Variants in HS6ST2 observed in about 807,000 individuals in gnomAD.
HS6ST2 encodes heparan-sulfate 6-O-sulfotransferase 2.
HS6ST2 carries 17 observed loss-of-function variants against 33.0 expected under a neutral mutation model. The ratio of observed to expected loss-of-function variants is 0.52; its 90% CI spans 0.35 to 0.77. The LOEUF is 0.77. Ranked by LOEUF, HS6ST2 falls within the 30% of genes least tolerant of loss-of-function variation. The pLI is 0.01. For synonymous variants in HS6ST2, 248 were observed against 237.1 expected, an observed-to-expected ratio of 1.05 and a Z score of -0.42; for missense variants, 519 against 551.7, an observed-to-expected ratio of 0.94 and a Z score of 0.59.
rs186921341 is a variant in HS6ST2, at chrX:132,851,419, C to T, written c.947+105389G>A. Among the ~76,000 whole-genome samples, 63 of 112,406 alleles carry T rather than the reference C, an allele frequency of 5.6e-4. 1 individual carries two copies. The East Asian group carries it at 0.012, about 21-fold the overall frequency. ...TGGCATCAGAAAGGCCTGGGTTCAA[C>T]CCCTGACTTGCCACTGTATGAGTCT... On this transcript the variant is annotated intron_variant, in intron 2 of 4. Transcript: ENST00000370833.
chrX:132,832,573 A>T (rs1400645450), intron 2 of HS6ST2, among the ~76,000 whole-genome samples: 1 of 112,184 alleles, frequency 8.9e-6, no homozygotes, highest in Non-Finnish European at 1.9e-5. Context: ...GAGCTAAAAA[A>T]GTTGGCATTA....
At chrX:132,812,405 A>AAT (rs2065355347) in intron 2 of HS6ST2, among the ~76,000 whole-genome samples, 1 of 84,944 alleles carries the variant, frequency 1.2e-5, no homozygotes, top group African/African-American at 4.5e-5. Context: ...ACTCTGTCTC[A>AAT]AATAATAATA....
At chrX:132,871,282 C>T (rs2066054556) in intron 2 of HS6ST2, among the ~76,000 whole-genome samples, 1 of 111,956 alleles carries the variant, frequency 8.9e-6, no homozygotes, top group Admixed American at 9.4e-5. Context: ...ACAACAGATG[C>T]TGGAGAGGAT....
At chrX:132,716,449 G>A (rs765456805) in intron 2 of HS6ST2, among the ~76,000 whole-genome samples, 12 of 112,101 alleles carry the variant, frequency 1.1e-4, no homozygotes, top group Non-Finnish European at 1.7e-4. Flanking sequence ...AACCTGGCTT[G>A]TTTTCCCTTC....
intron 4 of HS6ST2, among the ~76,000 whole-genome samples, chrX:132,650,513 A>G (rs1418411464): frequency 9.0e-6 from 1 of 111,095 alleles, no homozygotes; most frequent in African/African-American, 3.3e-5. Flanking sequence ...TGCCTTTAAT[A>G]TCTTTGCTTT....
chrX:132,831,936 G>C (rs2065594202), intron 2 of HS6ST2, among the ~76,000 whole-genome samples: 2 of 111,948 alleles, frequency 1.8e-5, no homozygotes, highest in Admixed American at 9.5e-5. Flanking sequence ...TTTAGGGCTT[G>C]AGTTATTTAA....
At chrX:132,694,634 G>A (rs1302163290) in intron 3 of HS6ST2, among the ~76,000 whole-genome samples, 1 of 111,259 alleles carries the variant, frequency 9.0e-6, no homozygotes. Context: ...TTATCACTGT[G>A]GTTAGACAAG....
chrX:132,912,181 C>T (rs112950725), intron 2 of HS6ST2, among the ~76,000 whole-genome samples: 8 of 112,826 alleles, frequency 7.1e-5, no homozygotes, highest in African/African-American at 2.2e-4. Context: ...ATTAGGTAGC[C>T]TACCCTTTAG....
Position 132,788,223 on chromosome X carries a change from T to C in HS6ST2, c.948-79729A>G, listed in dbSNP as rs138853376. On this transcript the variant is annotated intron_variant, in intron 2 of 4. Coordinates refer to ENST00000370833, the MANE Select transcript of HS6ST2 (RefSeq NM_001394073.1). ...TATTGGCTCCATTTTTCCAACAGCA[T>C]GTGCTCACTTCATGTCTCTGTGTTA... Among the ~76,000 whole-genome samples, 248 of 112,091 alleles carry C rather than the reference T, an allele frequency of 2.2e-3. 1 individual carries two copies. Among genetic ancestry groups the C allele is most frequent in the African/African-American group, 7.2e-3 (223 of 30,851 alleles).
chrX:132,648,538 C>CA (rs386417567), intron 4 of HS6ST2, among the ~76,000 whole-genome samples: 15,813 of 57,409 alleles, frequency 0.28, 2,271 homozygotes, highest in African/African-American at 0.49. Flanking sequence ...TGGAAAGAGA[C>CA]AAAAAAAAAA....
chrX:132,825,781 A>G (rs1004820094), intron 2 of HS6ST2, among the ~76,000 whole-genome samples: 1 of 111,566 alleles, frequency 9.0e-6, no homozygotes, highest in African/African-American at 3.3e-5. Context: ...TATATAGTCC[A>G]ACTCTCTTTA....
chrX:132,934,324 A>T (rs1156940395), intron 2 of HS6ST2, among the ~76,000 whole-genome samples: 1 of 111,900 alleles, frequency 8.9e-6, no homozygotes, highest in Admixed American at 9.5e-5. Flanking sequence ...ATGGTACATA[A>T]GGTGGTTTAT....
At chrX:132,800,322 T>A (rs992428636) in intron 2 of HS6ST2, among the ~76,000 whole-genome samples, 2 of 111,464 alleles carry the variant, frequency 1.8e-5, no homozygotes, top group Non-Finnish European at 3.8e-5. Flanking sequence ...TGTCACTGTC[T>A]CCCATCACCT....
intron 2 of HS6ST2, among the ~76,000 whole-genome samples, chrX:132,904,591 C>T (rs1028596574): frequency 9.5e-6 from 1 of 105,589 alleles, no homozygotes; most frequent in African/African-American, 3.5e-5. Context: ...TCGCTCAGGC[C>T]GTAATGCAGT....
chrX:132,659,237 A>C (rs774725364), intron 4 of HS6ST2, among the ~76,000 whole-genome samples: 29 of 112,342 alleles, frequency 2.6e-4, no homozygotes, highest in Non-Finnish European at 4.7e-4. Flanking sequence ...GCATTTTCCA[A>C]GCAAAATTTA....
At chrX:132,638,993 A>G (rs148896455) in intron 4 of HS6ST2, among the ~76,000 whole-genome samples, 1 of 112,356 alleles carries the variant, frequency 8.9e-6, no homozygotes, top group East Asian at 2.8e-4. Context: ...TATTGTGGGG[A>G]GTGCTCAAAG....
intron 2 of HS6ST2, among the ~76,000 whole-genome samples, chrX:132,809,076 C>T (rs1463033343): frequency 8.9e-6 from 1 of 111,870 alleles, no homozygotes; most frequent in Non-Finnish European, 1.9e-5. Flanking sequence ...GCAACCTCCA[C>T]CTCCTGGGTT....
At chrX:132,754,439 C>T (rs1418325143) in intron 2 of HS6ST2, among the ~76,000 whole-genome samples, 3 of 98,920 alleles carry the variant, frequency 3.0e-5, no homozygotes, top group African/African-American at 1.1e-4. Flanking sequence ...TTTTTTGAAA[C>T]GGAGTCTTGC....
intron 3 of HS6ST2, 111 bp downstream of exon 3, chrX:132,708,351 G>C: frequency 2.0e-4 from 30 of 149,047 alleles, no homozygotes; most frequent in East Asian, 1.0e-3. Flanking sequence ...ATTTGTCCAA[G>C]CCAAAAACTT....
Sources: allele counts gnomAD v4.1 joint callset (sites outside exome capture counted in the v4.1 genomes callset), GRCh38; gene constraint gnomAD v4.1.1; transcripts MANE v1.5; gene names NCBI Gene and HGNC (gene_info 2026-07-23, HGNC 2026-07-21).